Variants in CEP63 observed in about 807,000 individuals in gnomAD.
CEP63 encodes the protein centrosomal protein of 63 kDa.
CEP63 carries 84 observed loss-of-function variants against 89.1 expected under a neutral mutation model. The ratio of observed to expected loss-of-function variants is 0.94; its 90% confidence interval spans 0.79 to 1.13. The LOEUF is 1.13. CEP63 is among the 50% of genes most tolerant of loss of function. The pLI is 0.00. For synonymous variants in CEP63, 267 were observed against 272.5 expected (o/e 0.98, Z 0.20); for missense variants, 838 against 813.3 (o/e 1.03, Z -0.37).
chr3:134,727,174 G>C, the CEP63 span, among the ~76,000 whole-genome samples: 1 of 152,156 alleles, frequency 6.6e-6, no homozygotes, highest in Admixed American at 6.5e-5. Context: ...ACCAAGCCCA[G>C]TCTGCAAAGG....
chr3:134,491,863 A>G (rs577647515), intron 1 of CEP63, among the ~76,000 whole-genome samples: 2 of 152,246 alleles, frequency 1.3e-5, no homozygotes, highest in East Asian at 1.9e-4. Flanking sequence ...TAGTATGTAC[A>G]CATTTATTCA....
At chr3:134,538,610 G>T (rs1168715412) in intron 6 of CEP63, among the ~76,000 whole-genome samples, 10 of 142,600 alleles carry the variant, frequency 7.0e-5, no homozygotes, top group Non-Finnish European at 1.5e-4. Context: ...TTGAGATGAG[G>T]TCTTGCTGCA....
chr3:134,708,444 C>T, the CEP63 span, among the ~76,000 whole-genome samples: 3 of 152,194 alleles, frequency 2.0e-5, no homozygotes, highest in Admixed American at 6.5e-5. Context: ...TAGAATTGGT[C>T]ATGAAGGGCC....
At chr3:134,572,790 T>A (rs1295153328) in intron 11 of CEP63, among the ~76,000 whole-genome samples, 2 of 152,192 alleles carry the variant, frequency 1.3e-5, no homozygotes, top group Non-Finnish European at 2.9e-5. Flanking sequence ...AATTGCTGGG[T>A]CAAATGGTAG....
chr3:134,651,238 T>C, the CEP63 span: 1 of 1,245,538 alleles, frequency 8.0e-7, no homozygotes, highest in East Asian at 4.5e-5. Flanking sequence ...GGGGCCATAG[T>C]CAGCAGGGGC....
At chr3:134,672,390 A>G in the CEP63 span, among the ~76,000 whole-genome samples, 1 of 152,254 alleles carries the variant, frequency 6.6e-6, no homozygotes, top group Non-Finnish European at 1.5e-5. Flanking sequence ...GCCTAAAAAC[A>G]ACTACCAAGA....
chr3:134,605,042 G>A, the CEP63 span, among the ~76,000 whole-genome samples: 314 of 152,224 alleles, frequency 2.1e-3, 1 homozygote, highest in African/African-American at 7.3e-3. Flanking sequence ...TCACATAGGT[G>A]TATCTTAGCC....
the CEP63 span, chr3:134,604,069 T>C: frequency 4.3e-5 from 69 of 1,613,622 alleles, no homozygotes; most frequent in Non-Finnish European, 5.5e-5. Context: ...GGGGCCATCA[T>C]CCCCGTGGAG....
At chr3:134,560,884 GT>G (rs904364474) in intron 14 of CEP63, among the ~76,000 whole-genome samples, 5 of 152,170 alleles carry the variant, frequency 3.3e-5, no homozygotes, top group Non-Finnish European at 7.4e-5. Context: ...TATGTTCTAT[GT>G]TACCTTTCTA....
At chr3:134,775,822 A>G in the CEP63 span, among the ~76,000 whole-genome samples, 1 of 152,098 alleles carries the variant, frequency 6.6e-6, no homozygotes, top group Non-Finnish European at 1.5e-5. Context: ...TCTCTCCATC[A>G]TTCATTTGAT....
At chr3:134,550,829 CAG>C (rs1249223620) in intron 11 of CEP63, among the ~76,000 whole-genome samples, 3 of 152,094 alleles carry the variant, frequency 2.0e-5, no homozygotes, top group Non-Finnish European at 4.4e-5. Flanking sequence ...AGCAGGGAGA[CAG>C]AGCACCCAGA....
rs1351624918 is a variant in CEP63, at chr3:134,545,592, C to T, written c.562C>T (p.Leu188Phe). Residue 188 changes from leucine to phenylalanine, a missense_variant, in exon 7 of 15, where the codon CTT becomes TTT. Leu to Phe is a conservative substitution (Grantham distance 22, BLOSUM62 0). Coordinates refer to ENST00000675561, the MANE Select transcript of CEP63 (RefSeq NM_001353108.3). ...TGATAGTCTGTGTTTCTAGGCTCAG[C>T]TTGTCAATCGGAAACAGAAATTAGA... The part of the protein sequence containing the change: ...AEQSEIIQAQ[L>F]VNRKQKLESV... 3.3e-5 allele frequency: 54 copies of T among 1,612,478 alleles called. No homozygotes were observed. The highest frequency in any genetic ancestry group is 4.1e-5 in the Non-Finnish European group (48 of 1,178,590).
the CEP63 span, among the ~76,000 whole-genome samples, chr3:134,706,041 A>AG: frequency 6.6e-6 from 1 of 152,108 alleles, no homozygotes; most frequent in Non-Finnish European, 1.5e-5. Flanking sequence ...GTGGTGGTGG[A>AG]GGGGGGCACT....
chr3:134,545,820 G>A lies in CEP63; in HGVS notation c.789+1G>A. 5.0e-6 allele frequency: 8 copies of A among 1,602,776 alleles called. No individual in the cohort carries two copies. Among genetic ancestry groups the A allele is most frequent in the Non-Finnish European group, 6.8e-6 (8 of 1,170,996 alleles). On this transcript the variant is annotated splice_donor_variant, in intron 7 of 14. Coordinates refer to ENST00000675561, the MANE Select transcript of CEP63 (RefSeq NM_001353108.3). LOFTEE classifies it high-confidence loss of function. ...GAGGGAATCTGAAAAACTATTAGAGGTATGTTTTAAAATCACTATAATTGG... is the reference window on the plus strand; with the variant it reads ...GAGGGAATCTGAAAAACTATTAGAGATATGTTTTAAAATCACTATAATTGG...
At chr3:134,565,893 GTAA>G (rs1577478345), downstream of CEP63, among the ~76,000 whole-genome samples, 2 of 152,082 alleles carry the variant, frequency 1.3e-5, no homozygotes, top group African/African-American at 2.4e-5. Context: ...TTCATAACTG[GTAA>G]TAATAATCTG....
chr3:134,544,910 C>T (rs903309895), intron 6 of CEP63, among the ~76,000 whole-genome samples: 4 of 152,042 alleles, frequency 2.6e-5, no homozygotes, highest in Non-Finnish European at 1.5e-5. Context: ...TGCAGTGGTG[C>T]GATCTTGGCT....
At chr3:134,559,462 A>T (rs1956943931) in intron 14 of CEP63, 33 bp downstream of exon 14, 3 of 1,580,226 alleles carry the variant, frequency 1.9e-6, no homozygotes, top group Non-Finnish European at 2.6e-6. Context: ...GTAATTTGTT[A>T]GTTTTTTAAG....
At chr3:134,710,867 G>A in the CEP63 span, among the ~76,000 whole-genome samples, 45 of 151,652 alleles carry the variant, frequency 3.0e-4, no homozygotes, top group African/African-American at 6.8e-4. Context: ...CAGTACAGGC[G>A]CGCACCACCA....
chr3:134,690,191 A>G, the CEP63 span, among the ~76,000 whole-genome samples: 4 of 152,268 alleles, frequency 2.6e-5, no homozygotes, highest in East Asian at 5.8e-4. Flanking sequence ...GGCCATATTT[A>G]AAAAATTTAT....
Sources: allele counts gnomAD v4.1 joint callset (sites outside exome capture counted in the v4.1 genomes callset), GRCh38; gene constraint gnomAD v4.1.1; transcripts MANE v1.5; gene names NCBI Gene and HGNC (gene_info 2026-07-23, HGNC 2026-07-21).